The following FANCD2 variants were observed in gnomAD, a reference collection of about 807,000 sequenced individuals.
The protein encoded by FANCD2 is Fanconi anemia group D2 protein.
FANCD2 carries 131 observed loss-of-function variants against 192.3 expected under a neutral mutation model. The observed-to-expected ratio is 0.68, with a 90% CI of 0.59 to 0.79. FANCD2 has a LOEUF of 0.79. Among genes scored for constraint, FANCD2 ranks in the 30% least tolerant of loss-of-function variants. The probability of loss-of-function intolerance (pLI) is 0.00; values close to 1 mark genes in which losing one functional copy is unlikely to be tolerated. For synonymous variants in FANCD2, 524 were observed against 612.5 expected (o/e 0.86, Z 2.13); for missense variants, 1,508 against 1,701.6 (o/e 0.89, Z 2.00).
chr3:10,064,518 A>T lies in FANCD2; in HGVS notation c.2021+89A>T, dbSNP rs1385249246. 6.7e-6 allele frequency: 9 copies of T among 1,352,048 alleles called. No homozygotes were observed. In the East Asian group the frequency reaches 1.8e-4, roughly 27 times the overall value. 83.8% of individuals were successfully genotyped at this position (1,352,048 alleles called of 1,614,324 possible). A position where few individuals can be genotyped will look rare whatever the true frequency, so the allele number is the denominator to read the frequency against. Reference sequence around the variant, plus strand: ...TGATACAAACTTCAGAATACCCTTCACCTCAGCCACAGCTGCCCAGTCCCA... The same window carrying T: ...TGATACAAACTTCAGAATACCCTTCTCCTCAGCCACAGCTGCCCAGTCCCA... On this transcript the variant is annotated intron_variant, in intron 22 of 43. Transcript: ENST00000675286.
chr3:10,041,559 G>T lies in FANCD2; in HGVS notation c.696-64G>T, dbSNP rs2086863085. The T allele has an allele frequency of 1.1e-5, 12 of 1,101,514 alleles. No homozygotes were observed. In the South Asian group the frequency reaches 1.5e-4, roughly 14 times the overall value. The allele number at this position is 1,101,514 out of a possible 1,614,324, so 68.2% of individuals were successfully genotyped here. ...ATACTCTAATAAATGATTTTCTCAA[G>T]TCATTGTCTGCCCAGCTCTGTTCAA... On this transcript the variant is annotated intron_variant, in intron 9 of 43. Transcript: ENST00000675286.
intron 26 of FANCD2, among the ~76,000 whole-genome samples, chr3:10,069,918 C>T (rs1276797398): frequency 1.1e-4 from 17 of 149,480 alleles, no homozygotes; most frequent in African/African-American, 3.0e-4. Flanking sequence ...TCTGCCTGGC[C>T]GCCCATCGTC....
chr3:10,068,996 A>G (rs2087795643), intron 26 of FANCD2, among the ~76,000 whole-genome samples: 1 of 152,216 alleles, frequency 6.6e-6, no homozygotes, highest in South Asian at 2.1e-4. Flanking sequence ...ATCAAAATGG[A>G]TTATAGACTT....
chr3:10,053,287 C>T lies in FANCD2; in HGVS notation c.1656+790C>T, dbSNP rs113466708. Among the ~76,000 whole-genome samples, 179 of 151,362 alleles carry T rather than the reference C, an allele frequency of 1.2e-3. 1 individual carries two copies. Among genetic ancestry groups the T allele is most frequent in the African/African-American group, 4.2e-3 (173 of 41,170 alleles). On this transcript the variant is annotated intron_variant, in intron 18 of 43. Coordinates refer to ENST00000675286, the MANE Select transcript of FANCD2 (RefSeq NM_001018115.3). The stretch of plus-strand genomic sequence containing the variant: ...GTAAACTATCGCAAGAACAAAAAAC[C>T]GCACACCGCATATTCTCAGTCATAG...
At chr3:10,031,308 C>G (rs1044256858) in intron 2 of FANCD2, among the ~76,000 whole-genome samples, 1 of 152,092 alleles carries the variant, frequency 6.6e-6, no homozygotes, top group Non-Finnish European at 1.5e-5. Flanking sequence ...TTGAGACCAT[C>G]TTGGCTAACA....
chr3:10,045,261 T>A (rs545034053), intron 14 of FANCD2, among the ~76,000 whole-genome samples: 93 of 151,646 alleles, frequency 6.1e-4, no homozygotes, highest in Non-Finnish European at 9.1e-4. Context: ...CTCCGCCTCC[T>A]GGGTTCACGC....
chr3:10,099,305 C>T (rs1357868712), intron 43 of FANCD2: 7 of 1,222,700 alleles, frequency 5.7e-6, no homozygotes, highest in Admixed American at 4.1e-5. Context: ...CAGATGCTTT[C>T]GACAATTTAA....
At chr3:10,095,357 C>T in intron 41 of FANCD2, 83 bp downstream of exon 41, 1 of 1,091,272 alleles carries the variant, frequency 9.2e-7, no homozygotes, top group Non-Finnish European at 1.4e-6. Flanking sequence ...GGGCTACCAT[C>T]CTTCTTCCTT....
intron 33 of FANCD2, 31 bp downstream of exon 33, chr3:10,085,953 G>C: frequency 6.8e-7 from 1 of 1,462,212 alleles, no homozygotes; most frequent in Non-Finnish European, 9.6e-7. Context: ...CAAGATTGTT[G>C]TCCCAAGAAA....
intron 10 of FANCD2, among the ~76,000 whole-genome samples, chr3:10,042,186 G>A (rs183296350): frequency 6.6e-6 from 1 of 151,964 alleles, no homozygotes; most frequent in Admixed American, 6.6e-5. Context: ...TTGAGCCACC[G>A]TGCCTGGCCC....
intron 2 of FANCD2, among the ~76,000 whole-genome samples, chr3:10,029,274 A>T (rs1020463003): frequency 3.3e-5 from 5 of 152,162 alleles, no homozygotes; most frequent in African/African-American, 1.2e-4. Flanking sequence ...CTAAGGTGAG[A>T]GGGTCACCTA....
At chr3:10,089,573 G>A (rs1694458746) in intron 36 of FANCD2, among the ~76,000 whole-genome samples, 1 of 152,018 alleles carries the variant, frequency 6.6e-6, no homozygotes, top group African/African-American at 2.4e-5. Flanking sequence ...GGGTTCAAAC[G>A]ATTCTCCTAC....
chr3:10,053,467 T>G (rs13434077), intron 18 of FANCD2, among the ~76,000 whole-genome samples: 3,459 of 151,888 alleles, frequency 0.023, 139 homozygotes, highest in African/African-American at 0.079. Context: ...GCATGGCACA[T>G]GTATACATAT....
intron 11 of FANCD2, 99 bp downstream of exon 11, chr3:10,042,762 A>C (rs2086897218): frequency 1.1e-6 from 1 of 949,278 alleles, no homozygotes; most frequent in Admixed American, 1.7e-5. Flanking sequence ...TAATCCGGAT[A>C]GCATTCAGAG....
intron 16 of FANCD2, among the ~76,000 whole-genome samples, chr3:10,048,378 A>G (rs1488264957): frequency 6.6e-6 from 1 of 152,176 alleles, no homozygotes; most frequent in East Asian, 1.9e-4. Context: ...ATCTCAGCTC[A>G]CTGCAACCTT....
At chr3:10,057,700 A>T (rs1407402714) in intron 18 of FANCD2, among the ~76,000 whole-genome samples, 1 of 152,182 alleles carries the variant, frequency 6.6e-6, no homozygotes, top group African/African-American at 2.4e-5. Flanking sequence ...CATCTTTGTG[A>T]AAAGTTGAAC....
At chr3:10,056,216 C>A (rs1297848403) in intron 18 of FANCD2, among the ~76,000 whole-genome samples, 1 of 152,204 alleles carries the variant, frequency 6.6e-6, no homozygotes, top group Non-Finnish European at 1.5e-5. Flanking sequence ...TTTATCCATT[C>A]ATCCATTGAT....
In FANCD2 at chr3:10,051,810, A is replaced by G. The variant is rs564067452; in HGVS notation, c.1546-577A>G. Reference sequence around the variant, plus strand: ...ACAAACCATGAAAGGTAGTATAGCTATTATTATCACCATGTTATAGATGAG... The same window carrying G: ...ACAAACCATGAAAGGTAGTATAGCTGTTATTATCACCATGTTATAGATGAG... On this transcript the variant is annotated intron_variant, in intron 17 of 43. Coordinates refer to ENST00000675286, the MANE Select transcript of FANCD2 (RefSeq NM_001018115.3). Among the ~76,000 whole-genome samples the G allele has an allele frequency of 5.2e-4, 79 of 152,332 alleles. 1 individual carries two copies. Among genetic ancestry groups the G allele is most frequent in the Middle Eastern group, 3.4e-3 (1 of 294 alleles).
chr3:10,076,433 T>C (rs903771225), intron 29 of FANCD2, among the ~76,000 whole-genome samples: 3 of 152,196 alleles, frequency 2.0e-5, no homozygotes, highest in South Asian at 2.1e-4. Flanking sequence ...TATCCTGTCT[T>C]GAATTATTAT....
Sources: allele counts gnomAD v4.1 joint callset (sites outside exome capture counted in the v4.1 genomes callset), GRCh38; gene constraint gnomAD v4.1.1; transcripts MANE v1.5; gene names NCBI Gene and HGNC (gene_info 2026-07-23, HGNC 2026-07-21).